Variants in ACOT1 observed in about 807,000 individuals in gnomAD.
ACOT1 encodes the protein acyl-CoA thioesterase 1, also known as acyl-coenzyme A thioesterase 1.
In ACOT1, 8 loss-of-function variants were observed where a neutral mutation model predicts 15.7. That is an observed-to-expected ratio of 0.51 (90% CI 0.30 to 0.92). The LOEUF (loss-of-function observed/expected upper bound fraction) is 0.92. ACOT1 is among the 40% of genes least tolerant of loss of function. ACOT1 has a pLI of 0.06. For missense variants in ACOT1, 151 were observed against 539.4 expected (o/e 0.28, Z 7.13); for synonymous variants, 67 against 241.2 (o/e 0.28, Z 6.69).
the ACOT1 span, chr14:73,503,086 T>C: frequency 8.2e-7 from 1 of 1,215,590 alleles, no homozygotes; most frequent in Non-Finnish European, 1.2e-6. Context: ...TGTGCTGTTT[T>C]TTCTTCTTTT....
chr14:73,518,839 A>G, the ACOT1 span, among the ~76,000 whole-genome samples: 1 of 152,140 alleles, frequency 6.6e-6, no homozygotes, highest in South Asian at 2.1e-4. Flanking sequence ...GGCTCTTCCT[A>G]GTTATAGTTA....
the ACOT1 span, among the ~76,000 whole-genome samples, chr14:73,513,760 G>A: frequency 0.022 from 2,624 of 118,924 alleles, 104 homozygotes; most frequent in African/African-American, 0.071. Flanking sequence ...AAAAAAAATG[G>A]TCTCTGCCTC....
chr14:73,502,360 G>A, the ACOT1 span, among the ~76,000 whole-genome samples: 2 of 152,154 alleles, frequency 1.3e-5, no homozygotes, highest in East Asian at 3.8e-4. Flanking sequence ...GTGGTCATCA[G>A]AATTGCGTCA....
At chr14:73,504,416 T>TG in the ACOT1 span, among the ~76,000 whole-genome samples, 5 of 151,992 alleles carry the variant, frequency 3.3e-5, no homozygotes, top group African/African-American at 9.7e-5. Flanking sequence ...CTAATTTTTT[T>TG]TATTTTTAGT....
the ACOT1 span, chr14:73,521,071 G>T: frequency 6.3e-7 from 1 of 1,580,440 alleles, no homozygotes; most frequent in Non-Finnish European, 8.7e-7. Context: ...GGGAAAAGGG[G>T]GAAAGAGTAG....
At chr14:73,522,862 G>A in the ACOT1 span, 2 of 1,614,174 alleles carry the variant, frequency 1.2e-6, no homozygotes, top group Non-Finnish European at 1.7e-6. Context: ...CATTGGTATT[G>A]TAGAGGTGGT....
chr14:73,491,889 A>T, the ACOT1 span: 2 of 1,611,724 alleles, frequency 1.2e-6, no homozygotes, highest in South Asian at 2.2e-5. Flanking sequence ...TCCCTGTACC[A>T]GGCCGGCTGC....
At chr14:73,531,610 T>C in the ACOT1 span, among the ~76,000 whole-genome samples, 1 of 107,820 alleles carries the variant, frequency 9.3e-6, no homozygotes, top group Non-Finnish European at 2.0e-5. Context: ...GGTTTCACCA[T>C]ATTGGCCAGG....
At chr14:73,491,047 G>T in the ACOT1 span, 8 of 1,587,232 alleles carry the variant, frequency 5.0e-6, no homozygotes, top group South Asian at 9.2e-5. Flanking sequence ...GTGCAGGGCC[G>T]TTGAGGCGCG....
At chr14:73,524,136 C>G in the ACOT1 span, among the ~76,000 whole-genome samples, 1 of 150,932 alleles carries the variant, frequency 6.6e-6, no homozygotes, top group Non-Finnish European at 1.5e-5. Flanking sequence ...ACTAAAAATA[C>G]AAAAAATTAG....
At chr14:73,500,023 A>G in the ACOT1 span, among the ~76,000 whole-genome samples, 2 of 152,234 alleles carry the variant, frequency 1.3e-5, no homozygotes, top group African/African-American at 4.8e-5. Context: ...AAGTCAGGAC[A>G]TCGAGACCAT....
the ACOT1 span, among the ~76,000 whole-genome samples, chr14:73,523,861 T>G: frequency 3.9e-5 from 6 of 152,346 alleles, no homozygotes; most frequent in East Asian, 1.2e-3. Context: ...ACTTTAACTG[T>G]TAATCCTATG....
chr14:73,504,694 C>T, the ACOT1 span, among the ~76,000 whole-genome samples: 1 of 152,142 alleles, frequency 6.6e-6, no homozygotes, highest in African/African-American at 2.4e-5. Flanking sequence ...TTTTGTGCTT[C>T]CCATATCAAA....
the ACOT1 span, chr14:73,492,265 G>T: frequency 6.2e-7 from 1 of 1,613,956 alleles, no homozygotes; most frequent in South Asian, 1.1e-5. This position sits in a 1 kb window ranked among gnomAD's most constrained non-coding sequence, Gnocchi z 4.9. Context: ...TCCACTCTCT[G>T]CACCTCACCT....
the ACOT1 span, chr14:73,491,050 G>C: frequency 2.5e-6 from 4 of 1,589,348 alleles, no homozygotes; most frequent in Non-Finnish European, 3.4e-6. Context: ...CAGGGCCGTT[G>C]AGGCGCGGGC....
the ACOT1 span, chr14:73,496,715 C>A: frequency 8.6e-7 from 1 of 1,168,482 alleles, no homozygotes; most frequent in South Asian, 1.2e-5. Context: ...ATTATTCTAC[C>A]CTGCCCTTTA....
the ACOT1 span, chr14:73,523,061 T>C: frequency 6.2e-7 from 1 of 1,613,874 alleles, no homozygotes; most frequent in South Asian, 1.1e-5. Flanking sequence ...CAATTTTGAG[T>C]AGTTTAAAAT....
At chr14:73,501,487 T>A in the ACOT1 span, among the ~76,000 whole-genome samples, 1 of 151,452 alleles carries the variant, frequency 6.6e-6, no homozygotes, top group Non-Finnish European at 1.5e-5. Flanking sequence ...ACTCCTGACC[T>A]CAAGTGATTC....
At chr14:73,533,633 C>G (rs1416570201), upstream of ACOT1, among the ~76,000 whole-genome samples, 2 of 113,744 alleles carry the variant, frequency 1.8e-5, no homozygotes, top group Non-Finnish European at 3.8e-5. Context: ...GAGCTGAGAC[C>G]GCGCCACTGC....
Sources: gnomAD v4.1 joint callset for allele counts (sites outside exome capture counted in the v4.1 genomes callset) on GRCh38, gnomAD v4.1.1 for gene constraint, Gnocchi (gnomAD v3.1) non-coding constraint, MANE v1.5 for transcripts, NCBI Gene and HGNC (gene_info 2026-07-23, HGNC 2026-07-21) for gene names.